The following PHF24 variants were observed in gnomAD, a reference collection of about 807,000 sequenced individuals.
PHF24 encodes the protein PHD finger protein 24.
A neutral mutation model predicts 42.6 loss-of-function variants in PHF24; 25 were observed. The observed-to-expected ratio is 0.59, with a 90% CI of 0.43 to 0.82. The LOEUF is 0.82. PHF24 is among the 40% of genes least tolerant of loss of function. PHF24 has a pLI of 0.00. For synonymous variants in PHF24, 185 were observed against 204.8 expected (o/e 0.90, Z 0.83); for missense variants, 470 against 538.1 (o/e 0.87, Z 1.25).
At chr9:34,936,007 T>C in the PHF24 span, among the ~76,000 whole-genome samples, 12 of 149,766 alleles carry the variant, frequency 8.0e-5, no homozygotes, top group Non-Finnish European at 1.3e-4. Context: ...AAAAAAAAAA[T>C]TGAGTCTCCC....
chr9:34,709,903 G>C, the PHF24 span: 3 of 1,614,096 alleles, frequency 1.9e-6, no homozygotes, highest in Non-Finnish European at 2.5e-6. Context: ...ACTGCCTGCA[G>C]GGTGGGATTC....
At chr9:34,917,169 T>C in the PHF24 span, 1 of 1,375,238 alleles carries the variant, frequency 7.3e-7, no homozygotes, top group Non-Finnish European at 1.0e-6. Flanking sequence ...CAGAACACCT[T>C]CCACCATGAC....
At chr9:34,922,436 T>G in the PHF24 span, 28 of 1,363,950 alleles carry the variant, frequency 2.1e-5, no homozygotes, top group Admixed American at 1.0e-4. Flanking sequence ...TAGGATATGT[T>G]GGTTGCATTT....
At chr9:34,929,295 G>A in the PHF24 span, among the ~76,000 whole-genome samples, 3 of 152,228 alleles carry the variant, frequency 2.0e-5, no homozygotes, top group South Asian at 4.1e-4. Flanking sequence ...GGCAGCAGGG[G>A]AATATGATTG....
the PHF24 span, among the ~76,000 whole-genome samples, chr9:34,680,043 A>C: frequency 6.6e-6 from 1 of 152,174 alleles, no homozygotes; most frequent in Non-Finnish European, 1.5e-5. Flanking sequence ...AGTTATTTTA[A>C]GCTGCTAAAT....
chr9:34,795,129 G>T, the PHF24 span, among the ~76,000 whole-genome samples: 18 of 152,222 alleles, frequency 1.2e-4, no homozygotes, highest in South Asian at 3.5e-3. Flanking sequence ...AATGATTGCA[G>T]TTTCTCATCA....
the PHF24 span, among the ~76,000 whole-genome samples, chr9:34,839,365 T>G: frequency 1.3e-5 from 2 of 152,202 alleles, no homozygotes; most frequent in African/African-American, 2.4e-5. Context: ...TGTAGGATTT[T>G]TATTTGTTTG....
the PHF24 span, among the ~76,000 whole-genome samples, chr9:34,939,240 T>C: frequency 6.6e-6 from 1 of 152,050 alleles, no homozygotes; most frequent in Non-Finnish European, 1.5e-5. Flanking sequence ...GATCGTGCCA[T>C]TGCACTCTAG....
the PHF24 span, among the ~76,000 whole-genome samples, chr9:34,826,600 C>T: frequency 1.3e-5 from 2 of 152,232 alleles, no homozygotes; most frequent in African/African-American, 4.8e-5. Context: ...AACAACTCAG[C>T]GTTGAACACA....
the PHF24 span, among the ~76,000 whole-genome samples, chr9:34,676,117 A>T: frequency 3.3e-5 from 5 of 152,174 alleles, no homozygotes; most frequent in Non-Finnish European, 7.3e-5. Context: ...GGAAGGAGCC[A>T]TGGGGATGGC....
At chr9:34,835,906 G>T in the PHF24 span, 1 of 844,014 alleles carries the variant, frequency 1.2e-6, no homozygotes, top group Non-Finnish European at 2.0e-6. Context: ...GACCTGTGAT[G>T]GACTCCTCGA....
the PHF24 span, among the ~76,000 whole-genome samples, chr9:34,920,292 T>G: frequency 6.6e-6 from 1 of 152,198 alleles, no homozygotes; most frequent in Non-Finnish European, 1.5e-5. Context: ...TCAATTTGCA[T>G]TTTTCTGATG....
the PHF24 span, among the ~76,000 whole-genome samples, chr9:34,888,396 C>A: frequency 6.6e-6 from 1 of 152,188 alleles, no homozygotes; most frequent in Non-Finnish European, 1.5e-5. Context: ...TTGTTGAATG[C>A]AAGACTCAGC....
At chr9:34,967,550 A>G (rs1005299673) in intron 1 of PHF24, among the ~76,000 whole-genome samples, 1 of 152,246 alleles carries the variant, frequency 6.6e-6, no homozygotes, top group African/African-American at 2.4e-5. Flanking sequence ...ATTGCTCATA[A>G]TAAAAATATG....
the PHF24 span, chr9:34,710,092 G>A: frequency 3.7e-6 from 6 of 1,606,992 alleles, no homozygotes; most frequent in Non-Finnish European, 5.1e-6. Flanking sequence ...TGAGTAAGAG[G>A]CCAGAGCTGA....
At chr9:34,901,045 G>A in the PHF24 span, among the ~76,000 whole-genome samples, 1 of 152,210 alleles carries the variant, frequency 6.6e-6, no homozygotes, top group South Asian at 2.1e-4. Context: ...AACCTGAATG[G>A]CCTTATATCC....
the PHF24 span, among the ~76,000 whole-genome samples, chr9:34,891,464 A>C: frequency 1.3e-5 from 2 of 152,316 alleles, no homozygotes; most frequent in Middle Eastern, 3.4e-3. Context: ...ACAGTGGATC[A>C]GAGAAGGCCA....
chr9:34,911,188 A>T, the PHF24 span, among the ~76,000 whole-genome samples: 1 of 151,882 alleles, frequency 6.6e-6, no homozygotes, highest in Non-Finnish European at 1.5e-5. Flanking sequence ...ACTTTTTTTA[A>T]AAAAAAACTA....
chr9:34,848,638 G>T, the PHF24 span, among the ~76,000 whole-genome samples: 7 of 151,384 alleles, frequency 4.6e-5, no homozygotes, highest in South Asian at 4.2e-4. Flanking sequence ...CTTGCCTTCT[G>T]CTAGCTTTTG....
Sources: gnomAD v4.1 joint callset for allele counts (sites outside exome capture counted in the v4.1 genomes callset) on GRCh38, gnomAD v4.1.1 for gene constraint, MANE v1.5 for transcripts, NCBI Gene and HGNC (gene_info 2026-07-23, HGNC 2026-07-21) for gene names.